The following CPLX2 variants were observed in gnomAD, a reference collection of about 807,000 sequenced individuals.
CPLX2 encodes complexin 2, also known as complexin-2.
CPLX2 carries 5 observed loss-of-function variants against 16.3 expected under a neutral mutation model. That is an observed-to-expected ratio of 0.31 (90% CI 0.16 to 0.64). The LOEUF (loss-of-function observed/expected upper bound fraction) is 0.64. Ranked by LOEUF, CPLX2 falls within the 30% of genes least tolerant of loss-of-function variation. CPLX2 has a pLI of 0.79. For synonymous variants in CPLX2, 89 were observed against 73.2 expected, an observed-to-expected ratio of 1.22 and a Z score of -1.10; for missense variants, 144 against 181.4, an observed-to-expected ratio of 0.79 and a Z score of 1.18.
upstream of CPLX2, chr5:175,871,456 A>AGAGAGAGAGAGAGAGAGAGAGAGG (rs1561790437): frequency 1.3e-4 from 16 of 122,816 alleles, no homozygotes; most frequent in African/African-American, 4.6e-4. Flanking sequence ...AGAGAGAGAG[A>AGAGAGAGAGAGAGAGAGAGAGAGG]GAGAGAGAGA....
intron 1 of CPLX2, among the ~76,000 whole-genome samples, chr5:175,805,291 A>T (rs1758176371): frequency 6.6e-6 from 1 of 152,256 alleles, no homozygotes; most frequent in Admixed American, 6.5e-5. Flanking sequence ...ATCTAGACTC[A>T]GGGATGAGGT....
intron 2 of CPLX2, among the ~76,000 whole-genome samples, chr5:175,835,635 A>G (rs9313729): frequency 0.25 from 38,221 of 151,876 alleles, 5,772 homozygotes; most frequent in African/African-American, 0.4. Flanking sequence ...TGCTGAAATC[A>G]AAGTTTTTGT....
chr5:175,876,086 G>A (rs1034244593), intron 1 of CPLX2, among the ~76,000 whole-genome samples: 2 of 152,126 alleles, frequency 1.3e-5, no homozygotes, highest in African/African-American at 2.4e-5. Context: ...GAAGGTAAAT[G>A]TGTTTTTTTA....
chr5:175,850,883 GAC>G (rs1438293035), intron 2 of CPLX2, among the ~76,000 whole-genome samples: 3 of 152,058 alleles, frequency 2.0e-5, no homozygotes, highest in Non-Finnish European at 4.4e-5. Context: ...CTGAGGCAGA[GAC>G]ACAACTAGGA....
intron 2 of CPLX2, among the ~76,000 whole-genome samples, chr5:175,817,599 A>AT (rs1378338073): frequency 2.0e-5 from 3 of 152,106 alleles, no homozygotes; most frequent in Non-Finnish European, 4.4e-5. Flanking sequence ...ATCTTGCTCC[A>AT]TTTTTTAATT....
intron 1 of CPLX2, among the ~76,000 whole-genome samples, chr5:175,802,640 G>T (rs904444844): frequency 6.6e-6 from 1 of 152,086 alleles, no homozygotes; most frequent in Non-Finnish European, 1.5e-5. Flanking sequence ...GCAGAGTAGG[G>T]CATGGGGCCA....
intron 2 of CPLX2, among the ~76,000 whole-genome samples, chr5:175,851,863 G>A (rs978945901): frequency 6.6e-5 from 10 of 152,222 alleles, no homozygotes; most frequent in South Asian, 2.1e-4. Flanking sequence ...TCCGTGGGCC[G>A]CTCAAGAAGA....
chr5:175,817,434 A>G (rs55914911), intron 2 of CPLX2, among the ~76,000 whole-genome samples: 13,249 of 152,214 alleles, frequency 0.087, 682 homozygotes, highest in African/African-American at 0.13. Flanking sequence ...TATGACCTCA[A>G]CTGATGTCAC....
intron 1 of CPLX2, among the ~76,000 whole-genome samples, chr5:175,802,643 T>C: frequency 6.6e-6 from 1 of 152,090 alleles, no homozygotes; most frequent in East Asian, 1.9e-4. Context: ...GAGTAGGGCA[T>C]GGGGCCAGGT....
intron 2 of CPLX2, among the ~76,000 whole-genome samples, chr5:175,812,958 G>C (rs1436307696): frequency 6.6e-6 from 1 of 152,184 alleles, no homozygotes; most frequent in Non-Finnish European, 1.5e-5. Context: ...AGGTAGACTG[G>C]GTCCAGATCT....
chr5:175,825,644 G>A (rs1300875403), intron 2 of CPLX2, among the ~76,000 whole-genome samples: 1 of 152,168 alleles, frequency 6.6e-6, no homozygotes, highest in African/African-American at 2.4e-5. Flanking sequence ...CAAGGGTTGA[G>A]AGTGGGACGA....
chr5:175,856,705 C>T (rs1443820590), intron 2 of CPLX2, among the ~76,000 whole-genome samples: 3 of 152,186 alleles, frequency 2.0e-5, no homozygotes, highest in East Asian at 1.9e-4. Flanking sequence ...ACAGAGATGA[C>T]GATGGCAGCC....
At position 175,838,642 on chromosome 5, in the gene CPLX2, G is replaced by A. The variant is rs991814286; in HGVS notation, c.-89+29574G>A. ...AGCCTCAGAGCCAGGTCTTTCTTATGGAGTTGGAGGCTGTGACCACATGGT... is the reference window on the plus strand; with the variant it reads ...AGCCTCAGAGCCAGGTCTTTCTTATAGAGTTGGAGGCTGTGACCACATGGT... On this transcript the variant is annotated intron_variant, in intron 2 of 4. Transcript: ENST00000359546. Among the ~76,000 whole-genome samples, 235 of 152,208 alleles carry A rather than the reference G, an allele frequency of 1.5e-3. 1 individual carries two copies. The highest frequency in any genetic ancestry group is 5.5e-3 in the African/African-American group (227 of 41,526).
chr5:175,828,952 G>A (rs1009700111), intron 2 of CPLX2, among the ~76,000 whole-genome samples: 4 of 152,092 alleles, frequency 2.6e-5, no homozygotes. Context: ...GTGAGGTCTG[G>A]GGGAGGAAAC....
upstream of CPLX2, among the ~76,000 whole-genome samples, chr5:175,870,393 C>T (rs1759564824): frequency 6.6e-6 from 1 of 152,182 alleles, no homozygotes. Context: ...AATCACATTT[C>T]TGCAGCTCTT....
rs145064974 is a variant in CPLX2 at position 175,823,649 on chromosome 5, C to T, written c.-89+14581C>T. ...ATACAGAGACTATAATGGAGTGGAT[C>T]AAGGTTACAGGGGAGGCAGCAAAGT... On this transcript the variant is annotated intron_variant, in intron 2 of 4. Coordinates refer to the CPLX2 transcript ENST00000359546. Among the ~76,000 whole-genome samples, 59 of 152,244 alleles carry T rather than the reference C, an allele frequency of 3.9e-4. 1 individual carries two copies. Among genetic ancestry groups the T allele is most frequent in the African/African-American group, 1.3e-3 (55 of 41,544 alleles).
intron 2 of CPLX2, among the ~76,000 whole-genome samples, chr5:175,836,078 C>T (rs554384084): frequency 9.2e-5 from 14 of 151,460 alleles, no homozygotes; most frequent in East Asian, 2.0e-4. Context: ...AGGCCAGGCG[C>T]GGTGGCTCAC....
At chr5:175,870,345 T>A (rs1043942866), upstream of CPLX2, among the ~76,000 whole-genome samples, 2 of 152,138 alleles carry the variant, frequency 1.3e-5, no homozygotes, top group Admixed American at 6.5e-5. Flanking sequence ...TCTGCTGTGA[T>A]CGTGTGTGAA....
In CPLX2 at chr5:175,872,379, C is replaced by T. The variant is rs1345516334; in HGVS notation, c.-89+674C>T. On this transcript the variant is annotated intron_variant, in intron 1 of 3. Transcript: ENST00000393745. The surrounding 1 kb of genome is among the most constrained non-coding windows in gnomAD (Gnocchi z 5.0). ...TCGGGAACGACCCCTTCTGTGCTCT[C>T]GTTCTCGTCGGCCTCAATCTGCCCC... Among the ~76,000 whole-genome samples the T allele has an allele frequency of 2.0e-5, 3 of 152,178 alleles. No individual in the cohort carries two copies. Among genetic ancestry groups the T allele is most frequent in the African/African-American group, 7.2e-5 (3 of 41,436 alleles).
Sources: gnomAD v4.1 joint callset for allele counts (sites outside exome capture counted in the v4.1 genomes callset) on GRCh38, gnomAD v4.1.1 for gene constraint, Gnocchi (gnomAD v3.1) non-coding constraint, MANE v1.5 for transcripts, NCBI Gene and HGNC (gene_info 2026-07-23, HGNC 2026-07-21) for gene names.